The following PRTG variants were observed in gnomAD, a reference collection of about 807,000 sequenced individuals.
The protein encoded by PRTG is protogenin.
PRTG carries 67 observed loss-of-function variants against 122.5 expected under a neutral mutation model. The ratio of observed to expected loss-of-function variants is 0.55; its 90% CI spans 0.45 to 0.67. The LOEUF is 0.67. Among genes scored for constraint, PRTG ranks in the 30% least tolerant of loss-of-function variants. The pLI, the probability that PRTG is intolerant of heterozygous loss-of-function variation, is 0.00. For synonymous variants in PRTG, 554 were observed against 501.1 expected, an observed-to-expected ratio of 1.11 and a Z score of -1.41; for missense variants, 1,435 against 1,415.4, an observed-to-expected ratio of 1.01 and a Z score of -0.22.
intron 11 of PRTG, among the ~76,000 whole-genome samples, chr15:55,645,934 CAG>C (rs2059320046): frequency 6.6e-6 from 1 of 152,204 alleles, no homozygotes; most frequent in Non-Finnish European, 1.5e-5. Flanking sequence ...AAAGGGAAGA[CAG>C]GGAGAAGTTG....
chr15:55,631,042 G>A (rs143189623), intron 15 of PRTG, among the ~76,000 whole-genome samples: 9 of 152,246 alleles, frequency 5.9e-5, no homozygotes, highest in East Asian at 1.9e-4. Flanking sequence ...CAGGTCACAC[G>A]GTGTGAGGCA....
chr15:55,665,315 T>C (rs969205455), intron 11 of PRTG, among the ~76,000 whole-genome samples: 1 of 151,872 alleles, frequency 6.6e-6, no homozygotes, highest in Non-Finnish European at 1.5e-5. Flanking sequence ...TTCCTTACCC[T>C]TACGTGTTAA....
intron 14 of PRTG, among the ~76,000 whole-genome samples, chr15:55,638,346 C>T (rs2059269598): frequency 6.6e-6 from 1 of 151,544 alleles, no homozygotes; most frequent in Non-Finnish European, 1.5e-5. Flanking sequence ...CGTGCTTGCA[C>T]AATACACACA....
chr15:55,662,249 T>C (rs1366613031), intron 11 of PRTG, among the ~76,000 whole-genome samples: 1 of 152,214 alleles, frequency 6.6e-6, no homozygotes, highest in African/African-American at 2.4e-5. Context: ...GATACACTGC[T>C]ATACACAGCA....
chr15:55,627,449 G>C (rs916216249), intron 16 of PRTG, among the ~76,000 whole-genome samples: 1 of 148,468 alleles, frequency 6.7e-6, no homozygotes, highest in African/African-American at 2.5e-5. Context: ...TCAGCCTCCC[G>C]AGTAGCTGGG....
rs2059139296 is a variant in PRTG, at chr15:55,615,773, G to A, written c.*4239C>T. On this transcript the variant is annotated 3_prime_UTR_variant, in exon 20 of 20. Transcript: ENST00000389286. Reference sequence around the variant, plus strand: ...AATTTACATTCAGTGAAACAGAAATGTATATAAGTGAACCACTATAGCTAC... The same window carrying A: ...AATTTACATTCAGTGAAACAGAAATATATATAAGTGAACCACTATAGCTAC... The A allele has an allele frequency of 6.6e-6, 1 of 151,994 alleles. No individual in the cohort carries two copies. Among genetic ancestry groups the A allele is most frequent in the African/African-American group, 2.4e-5 (1 of 41,390 alleles). The allele number at this position is 151,994 out of a possible 1,614,324, so 9.4% of individuals were successfully genotyped here.
Position 55,615,014 on chromosome 15 carries a change from T to C in PRTG, c.*4998A>G, listed in dbSNP as rs910518601. ...CAGTTGGGGAGATTATCCTGGATTA[T>C]TTAGGTGGGCTCAATGTGATCACTG... On this transcript the variant is annotated 3_prime_UTR_variant, in exon 20 of 20. Transcript: ENST00000389286. 1 of 152,082 alleles carries C rather than the reference T, an allele frequency of 6.6e-6. No individual in the cohort carries two copies. The highest frequency in any genetic ancestry group is 2.4e-5 in the African/African-American group (1 of 41,428). The allele number at this position is 152,082 out of a possible 1,614,324, so 9.4% of individuals were successfully genotyped here.
At chr15:55,638,229 C>A (rs2059268643) in intron 14 of PRTG, among the ~76,000 whole-genome samples, 1 of 152,046 alleles carries the variant, frequency 6.6e-6, no homozygotes, top group African/African-American at 2.4e-5. Context: ...AGATCATTAA[C>A]AAACATATTA....
intron 2 of PRTG, among the ~76,000 whole-genome samples, chr15:55,685,675 G>A (rs1685710421): frequency 6.6e-6 from 1 of 152,126 alleles, no homozygotes; most frequent in Non-Finnish European, 1.5e-5. Flanking sequence ...AATATGTGAT[G>A]CATAAATGTT....
At chr15:55,741,570 A>G (rs1388669816) in intron 1 of PRTG, among the ~76,000 whole-genome samples, 2 of 151,698 alleles carry the variant, frequency 1.3e-5, no homozygotes, top group African/African-American at 2.4e-5. Flanking sequence ...ATACTCTGTC[A>G]CCTCCTGCAT....
At chr15:55,714,901 G>A (rs1365530715) in intron 2 of PRTG, among the ~76,000 whole-genome samples, 1 of 152,124 alleles carries the variant, frequency 6.6e-6, no homozygotes, top group Non-Finnish European at 1.5e-5. Context: ...ACTTCAGAGA[G>A]TTCTTTAACA....
At chr15:55,693,952 A>G (rs1452122375) in intron 2 of PRTG, among the ~76,000 whole-genome samples, 2 of 152,220 alleles carry the variant, frequency 1.3e-5, no homozygotes, top group Non-Finnish European at 2.9e-5. Context: ...AGGCCTGAAT[A>G]AAGGCAAAGG....
At chr15:55,740,326 A>C in intron 2 of PRTG, 56 bp downstream of exon 2, 1 of 1,460,056 alleles carries the variant, frequency 6.8e-7, no homozygotes, top group Non-Finnish European at 9.3e-7. Flanking sequence ...ATAAAGCAAG[A>C]AATCATCAAA....
At chr15:55,721,723 C>T (rs8034414) in intron 2 of PRTG, among the ~76,000 whole-genome samples, 91,148 of 151,950 alleles carry the variant, frequency 0.6, 28,163 homozygotes, top group Non-Finnish European at 0.69. Context: ...CAGTTAAGGA[C>T]GGCTGGGGAG....
At chr15:55,633,252 T>A (rs777690395) in intron 15 of PRTG, among the ~76,000 whole-genome samples, 80 of 152,098 alleles carry the variant, frequency 5.3e-4, no homozygotes, top group Non-Finnish European at 1.0e-3. Context: ...CTTTTTTTTT[T>A]AATACTGAGT....
chr15:55,697,542 T>C (rs2059638301), intron 2 of PRTG, among the ~76,000 whole-genome samples: 1 of 152,196 alleles, frequency 6.6e-6, no homozygotes, highest in African/African-American at 2.4e-5. Context: ...GATGGAGTCT[T>C]GCACTATCGC....
At chr15:55,668,567 T>A (rs775857189) in intron 11 of PRTG, among the ~76,000 whole-genome samples, 1 of 152,092 alleles carries the variant, frequency 6.6e-6, no homozygotes, top group African/African-American at 2.4e-5. Context: ...GGGGAAAAAA[T>A]CTAAGTGAAA....
At chr15:55,646,985 G>T (rs1490687730) in intron 11 of PRTG, among the ~76,000 whole-genome samples, 1 of 151,948 alleles carries the variant, frequency 6.6e-6, no homozygotes, top group Non-Finnish European at 1.5e-5. Context: ...CTTCTACTTG[G>T]ATTATTAGTC....
intron 2 of PRTG, among the ~76,000 whole-genome samples, chr15:55,710,088 G>A (rs1333887089): frequency 1.3e-4 from 20 of 151,962 alleles, no homozygotes; most frequent in African/African-American, 3.9e-4. Context: ...AAAAGCCCCC[G>A]AAGAATATAC....
Sources: allele counts gnomAD v4.1 joint callset (sites outside exome capture counted in the v4.1 genomes callset), GRCh38; gene constraint gnomAD v4.1.1; transcripts MANE v1.5; gene names NCBI Gene and HGNC (gene_info 2026-07-23, HGNC 2026-07-21).